Variants in PRKCE observed in about 807,000 individuals in gnomAD.
The protein encoded by PRKCE is protein kinase C epsilon.
PRKCE carries 16 observed loss-of-function variants against 85.4 expected under a neutral mutation model. The ratio of observed to expected loss-of-function variants is 0.19; its 90% CI spans 0.13 to 0.28. PRKCE has a LOEUF of 0.28. Among genes scored for constraint, PRKCE ranks in the 10% least tolerant of loss-of-function variants. The pLI, the probability that PRKCE is intolerant of heterozygous loss-of-function variation, is 1.00. For synonymous variants in PRKCE, 388 were observed against 371.5 expected (o/e 1.04, Z -0.51); for missense variants, 573 against 975.2 (o/e 0.59, Z 5.49).
intron 11 of PRKCE, among the ~76,000 whole-genome samples, chr2:46,086,582 A>G (rs892472712): frequency 2.0e-5 from 3 of 152,182 alleles, no homozygotes; most frequent in Non-Finnish European, 4.4e-5. Flanking sequence ...TGTTTGTGCC[A>G]GTTTTGATTT....
chr2:46,020,773 G>A (rs1013966765), intron 10 of PRKCE, among the ~76,000 whole-genome samples: 10 of 152,232 alleles, frequency 6.6e-5, no homozygotes, highest in Non-Finnish European at 1.3e-4. Context: ...CAGGGACTGG[G>A]AAGGAGAGAT....
At chr2:46,015,874 G>A (rs1169671903) in intron 10 of PRKCE, among the ~76,000 whole-genome samples, 1 of 152,206 alleles carries the variant, frequency 6.6e-6, no homozygotes, top group Non-Finnish European at 1.5e-5. Context: ...GTTGGAGAGT[G>A]TGTGAGCAGG....
At position 46,159,812 on chromosome 2, in the gene PRKCE, G is replaced by C. The variant is rs1677577365; in HGVS notation, c.2067+60G>C. The stretch of plus-strand genomic sequence containing the variant: ...GTCGGGCCCAGGTACTTGCAGGACA[G>C]GCTGCGTGCACCCAGGAAGAGTTGG... On this transcript the variant is annotated intron_variant, in intron 14 of 14. Transcript: ENST00000306156. The surrounding 1 kb of genome is among the most constrained non-coding windows in gnomAD (Gnocchi z 4.1). 1.3e-6 allele frequency: 2 copies of C among 1,584,110 alleles called. No homozygotes were observed. Among genetic ancestry groups the C allele is most frequent in the South Asian group, 2.3e-5 (2 of 88,540 alleles).
intron 1 of PRKCE, among the ~76,000 whole-genome samples, chr2:45,787,557 A>T (rs1289129740): frequency 6.6e-6 from 1 of 152,102 alleles, no homozygotes; most frequent in Non-Finnish European, 1.5e-5. Flanking sequence ...GTTTCATGGG[A>T]ACCTGATGAG....
chr2:46,154,835 C>CTA (rs1032473058), intron 13 of PRKCE, among the ~76,000 whole-genome samples: 2 of 151,668 alleles, frequency 1.3e-5, no homozygotes, highest in Non-Finnish European at 2.9e-5. Context: ...TTCTAACCCA[C>CTA]TATATATATT....
At chr2:45,867,444 A>AT (rs1258936978) in intron 2 of PRKCE, among the ~76,000 whole-genome samples, 1 of 152,210 alleles carries the variant, frequency 6.6e-6, no homozygotes, top group African/African-American at 2.4e-5. Flanking sequence ...TGGCAACCCT[A>AT]TGTTGGAGCC....
chr2:45,780,137 C>A (rs527379461), intron 1 of PRKCE, among the ~76,000 whole-genome samples: 73 of 152,320 alleles, frequency 4.8e-4, no homozygotes, highest in Non-Finnish European at 7.2e-4. Context: ...TTCATATCAT[C>A]AAATAGCTAA....
chr2:46,038,838 T>G (rs1708046473), intron 10 of PRKCE, among the ~76,000 whole-genome samples: 1 of 152,214 alleles, frequency 6.6e-6, no homozygotes. Context: ...ATTTAGCATG[T>G]TTTTCTTAAT....
rs569954732 is a variant in PRKCE, at chr2:45,827,656, C to G, written c.349-15344C>G. The stretch of plus-strand genomic sequence containing the variant: ...AGTTACAGAATAAAAGCCAGTTGGA[C>G]AGTTTAGTGCACCATTAGATTACAT... On this transcript the variant is annotated intron_variant, in intron 1 of 14. Coordinates refer to ENST00000306156, the MANE Select transcript of PRKCE (RefSeq NM_005400.3). 3.3e-5 allele frequency among the ~76,000 whole-genome samples: 5 copies of G among 152,320 alleles called. No homozygotes were observed. The South Asian group carries it at 6.2e-4, about 19-fold the overall frequency.
At chr2:46,033,309 C>A (rs1707655406) in intron 10 of PRKCE, among the ~76,000 whole-genome samples, 2 of 152,168 alleles carry the variant, frequency 1.3e-5, no homozygotes, top group African/African-American at 4.8e-5. Flanking sequence ...GGTGGGAAGT[C>A]CCACCACAGT....
intron 1 of PRKCE, among the ~76,000 whole-genome samples, chr2:45,776,254 C>T (rs928045697): frequency 6.6e-6 from 1 of 152,338 alleles, no homozygotes; most frequent in Admixed American, 6.5e-5. Flanking sequence ...CTGATGAACA[C>T]CCTCCTTAAA....
chr2:46,107,779 T>A (rs1198529816), intron 11 of PRKCE, among the ~76,000 whole-genome samples: 3 of 152,222 alleles, frequency 2.0e-5, no homozygotes, highest in Non-Finnish European at 2.9e-5. Flanking sequence ...TGTCTAATTG[T>A]TGTAATTTGC....
chr2:45,798,255 A>G (rs922728758), intron 1 of PRKCE, among the ~76,000 whole-genome samples: 1 of 152,238 alleles, frequency 6.6e-6, no homozygotes, highest in African/African-American at 2.4e-5. Flanking sequence ...AAAATAAAAA[A>G]GGAATTTATA....
chr2:45,818,838 C>T (rs1455830449), intron 1 of PRKCE, among the ~76,000 whole-genome samples: 1 of 152,202 alleles, frequency 6.6e-6, no homozygotes, highest in Non-Finnish European at 1.5e-5. Flanking sequence ...TATGCAAACA[C>T]TCTTGCATTT....
At chr2:45,655,450 A>G (rs1490099071) in intron 1 of PRKCE, among the ~76,000 whole-genome samples, 1 of 152,096 alleles carries the variant, frequency 6.6e-6, no homozygotes, top group Non-Finnish European at 1.5e-5. Context: ...AGGGAAGCCT[A>G]AAAGTTGGAC....
At chr2:45,859,372 A>G (rs1692961451) in intron 2 of PRKCE, among the ~76,000 whole-genome samples, 1 of 152,198 alleles carries the variant, frequency 6.6e-6, no homozygotes, top group South Asian at 2.1e-4. Context: ...AGATACGTGC[A>G]CATTCGGCTT....
intron 2 of PRKCE, among the ~76,000 whole-genome samples, chr2:45,868,434 C>A (rs1693803170): frequency 1.3e-5 from 2 of 150,484 alleles, no homozygotes; most frequent in Admixed American, 6.6e-5. Context: ...GCTAGCCCAA[C>A]TCTCCTGAGC....
chr2:46,022,489 C>T (rs79742315), intron 10 of PRKCE, among the ~76,000 whole-genome samples: 2,699 of 152,266 alleles, frequency 0.018, 45 homozygotes, highest in Non-Finnish European at 0.024. Flanking sequence ...TGGGGCCTTT[C>T]GTAGGGAGCT....
chr2:45,897,449 T>C (rs1054514754), intron 2 of PRKCE, among the ~76,000 whole-genome samples: 3 of 152,236 alleles, frequency 2.0e-5, no homozygotes, highest in Non-Finnish European at 4.4e-5. Context: ...TAGACATACA[T>C]CATCTTTATT....
Sources: allele counts gnomAD v4.1 joint callset (sites outside exome capture counted in the v4.1 genomes callset), GRCh38; gene constraint gnomAD v4.1.1; non-coding constraint Gnocchi (gnomAD v3.1); transcripts MANE v1.5; gene names NCBI Gene and HGNC (gene_info 2026-07-23, HGNC 2026-07-21).